The following SLC4A1AP variants were observed in gnomAD, a reference collection of about 807,000 sequenced individuals.
The protein encoded by SLC4A1AP is solute carrier family 4 member 1 adaptor protein, also known as kanadaptin.
Under a neutral mutation model 89.7 loss-of-function variants are expected in SLC4A1AP, and 64 were observed. That is an observed-to-expected ratio of 0.71 (90% CI 0.58 to 0.88). The LOEUF (loss-of-function observed/expected upper bound fraction) is 0.88, where lower values mean the gene tolerates loss of function less well. Among genes scored for constraint, SLC4A1AP ranks in the 40% least tolerant of loss-of-function variants. SLC4A1AP has a pLI of 0.00. For synonymous variants in SLC4A1AP, 366 were observed against 353.3 expected (o/e 1.04, Z -0.40); for missense variants, 931 against 965.0 (o/e 0.96, Z 0.47).
At chr2:27,677,600 T>C (rs1057113960) in intron 7 of SLC4A1AP, 138 bp from the exon 8 acceptor site, 5 of 729,152 alleles carry the variant, frequency 6.9e-6, no homozygotes, top group Non-Finnish European at 1.1e-5. Context: ...CTCATGGCTA[T>C]AACCTGTTCC....
At chr2:27,674,454 A>T (rs1675481039) in intron 5 of SLC4A1AP, among the ~76,000 whole-genome samples, 1 of 152,188 alleles carries the variant, frequency 6.6e-6, no homozygotes. Context: ...TGCATTTTTA[A>T]TGGCAGATAT....
Position 27,693,769 on chromosome 2 carries a change from C to CT in SLC4A1AP, c.2341+23dup, listed in dbSNP as rs752876445. On this transcript the variant is annotated intron_variant, in intron 13 of 13. Coordinates refer to ENST00000613058, the Ensembl canonical transcript of SLC4A1AP. The stretch of plus-strand genomic sequence containing the variant: ...CCCACCTGAAGGTAGATTGTTTTTA[C>CT]TTTTTTTTCCTCTAAGGTTCATTTA... 1.3e-5 allele frequency: 20 copies of CT among 1,588,238 alleles called. No individual in the cohort carries two copies. The highest frequency in any genetic ancestry group is 2.3e-5 in the South Asian group (2 of 88,196).
rs941745096 is a variant in SLC4A1AP, at chr2:27,675,700, T to G, written c.1506+8T>G. Reference sequence around the variant, plus strand: ...GAGACCTTTGAATCATTGGCAAGTTTTATTTATGGAAGTAGCTGTGGTATT... The same window carrying G: ...GAGACCTTTGAATCATTGGCAAGTTGTATTTATGGAAGTAGCTGTGGTATT... On this transcript the variant is annotated splice_region_variant and intron_variant, in intron 6 of 13. Transcript: ENST00000613058. 1.3e-6 allele frequency: 2 copies of G among 1,556,738 alleles called. No individual in the cohort carries two copies. The highest frequency in any genetic ancestry group is 1.7e-6 in the Non-Finnish European group (2 of 1,150,528).
At chr2:27,667,124 C>T (rs1462478124) in intron 2 of SLC4A1AP, 144 bp from the exon 3 acceptor site, 5 of 764,636 alleles carry the variant, frequency 6.5e-6, no homozygotes, top group Non-Finnish European at 9.7e-6. Context: ...CTGCCTTGGC[C>T]TCCCAAAGTG....
chr2:27,682,593 C>T (rs1361781745), intron 9 of SLC4A1AP, among the ~76,000 whole-genome samples: 2 of 148,700 alleles, frequency 1.3e-5, no homozygotes, highest in African/African-American at 5.0e-5. Context: ...GGCGTGATCT[C>T]GGCTGACTGC....
intron 9 of SLC4A1AP, among the ~76,000 whole-genome samples, chr2:27,683,804 C>T (rs760011929): frequency 1.3e-5 from 2 of 152,130 alleles, no homozygotes; most frequent in Non-Finnish European, 2.9e-5. Context: ...GTGGCCATCT[C>T]GGCTCACTGC....
intron 5 of SLC4A1AP, among the ~76,000 whole-genome samples, chr2:27,673,421 TCCCTC>T: frequency 2.5e-5 from 1 of 40,180 alleles, no homozygotes; most frequent in South Asian, 1.2e-3. Flanking sequence ...CCTCCCTCCC[TCCCTC>T]CCTCCCTCCC....
chr2:27,676,494 G>A (rs1675525178), intron 6 of SLC4A1AP, among the ~76,000 whole-genome samples: 1 of 152,116 alleles, frequency 6.6e-6, no homozygotes, highest in African/African-American at 2.4e-5. Flanking sequence ...TTTTAATTCA[G>A]AAATAAATTA....
intron 2 of SLC4A1AP, among the ~76,000 whole-genome samples, chr2:27,666,092 C>T (rs1239795487): frequency 6.6e-6 from 1 of 151,932 alleles, no homozygotes; most frequent in Non-Finnish European, 1.5e-5. Context: ...AAGACTTAGT[C>T]TGAAAAAAAG....
intron 12 of SLC4A1AP, among the ~76,000 whole-genome samples, 171 bp downstream of exon 12, chr2:27,688,938 ACT>A (rs1378012674): frequency 6.6e-6 from 1 of 151,706 alleles, no homozygotes; most frequent in African/African-American, 2.4e-5. Context: ...TGTCTTTATC[ACT>A]CTTTTCCCTA....
At chr2:27,670,943 A>ATG (rs1675419924) in intron 5 of SLC4A1AP, among the ~76,000 whole-genome samples, 1 of 68,074 alleles carries the variant, frequency 1.5e-5, no homozygotes, top group African/African-American at 5.9e-5. Context: ...TTTTTTTTTG[A>ATG]GATGGAGTCT....
At chr2:27,682,800 G>T (rs978069167) in intron 9 of SLC4A1AP, among the ~76,000 whole-genome samples, 2 of 152,152 alleles carry the variant, frequency 1.3e-5, no homozygotes, top group Non-Finnish European at 2.9e-5. Flanking sequence ...GGGTTTATAG[G>T]CATGAGCCAT....
At position 27,668,823 on chromosome 2, in the gene SLC4A1AP, TG is replaced by T; in HGVS notation, c.1145-19del. The T allele has an allele frequency of 2.5e-6, 4 of 1,611,334 alleles. No individual in the cohort carries two copies. Among genetic ancestry groups the T allele is most frequent in the Non-Finnish European group, 3.4e-6 (4 of 1,177,752 alleles). ...TTTTTGGATTCTATTAAAATTGTTT[TG>T]TCTGTCTTTCTCCCACAGGAGAAGA... On this transcript the variant is annotated intron_variant, in intron 3 of 13. Transcript: ENST00000613058.
chr2:27,673,337 C>CT (rs1572990969), intron 5 of SLC4A1AP, among the ~76,000 whole-genome samples: 3 of 120,830 alleles, frequency 2.5e-5, no homozygotes, highest in Non-Finnish European at 3.6e-5. Context: ...TCTTTTCTTT[C>CT]TTTCTTTCTT....
At chr2:27,677,162 C>T (rs1365357905) in intron 6 of SLC4A1AP, 133 bp from the exon 7 acceptor site, 1 of 706,040 alleles carries the variant, frequency 1.4e-6, no homozygotes, top group Non-Finnish European at 2.5e-6. Context: ...AGTGTTAACT[C>T]CATAAGTAGC....
chr2:27,675,190 CT>C (rs561255713), intron 5 of SLC4A1AP, among the ~76,000 whole-genome samples: 13 of 152,126 alleles, frequency 8.5e-5, no homozygotes, highest in Non-Finnish European at 1.0e-4. Flanking sequence ...CATTTTGGAA[CT>C]TTTTTATCAT....
chr2:27,666,042 T>C (rs1675312711), intron 2 of SLC4A1AP, among the ~76,000 whole-genome samples: 1 of 152,204 alleles, frequency 6.6e-6, no homozygotes, highest in Non-Finnish European at 1.5e-5. Context: ...CTAGTTGCAA[T>C]TGATGTGTGC....
At chr2:27,687,182 G>T (rs1675716171) in intron 10 of SLC4A1AP, among the ~76,000 whole-genome samples, 1 of 152,072 alleles carries the variant, frequency 6.6e-6, no homozygotes, top group Admixed American at 6.6e-5. Flanking sequence ...TTTCAGAGAA[G>T]GAGCATAGTG....
chr2:27,669,298 A>G (rs1355498558), exon 5 of SLC4A1AP: 1 of 1,613,316 alleles, frequency 6.2e-7, no homozygotes. Context: ...GAGGCCATTC[A>G]CTCAGGAAAG....
Sources: gnomAD v4.1 joint callset for allele counts (sites outside exome capture counted in the v4.1 genomes callset) on GRCh38, gnomAD v4.1.1 for gene constraint, MANE v1.5 for transcripts, NCBI Gene and HGNC (gene_info 2026-07-23, HGNC 2026-07-21) for gene names.